Variants in TENM2 observed in about 807,000 individuals in gnomAD.
The protein encoded by TENM2 is teneurin transmembrane protein 2.
In TENM2, 52 loss-of-function variants were observed where a neutral mutation model predicts 245.2. That is an observed-to-expected ratio of 0.21 (90% CI 0.17 to 0.27). The LOEUF (loss-of-function observed/expected upper bound fraction) is 0.27. Ranked by LOEUF, TENM2 falls within the 10% of genes least tolerant of loss-of-function variation. The pLI, the probability that TENM2 is intolerant of heterozygous loss-of-function variation, is 1.00. For missense variants in TENM2, 3,046 were observed against 3,666.8 expected (o/e 0.83, Z 4.37); for synonymous variants, 1,363 against 1,438.9 (o/e 0.95, Z 1.19).
At chr5:167,801,095 GAAAAAAAAA>G (rs1176405769) in intron 2 of TENM2, among the ~76,000 whole-genome samples, 181 of 50,684 alleles carry the variant, frequency 3.6e-3, no homozygotes, top group African/African-American at 0.012. Context: ...TATTTGAAAA[GAAAAAAAAA>G]AAAAAATATA....
the TENM2 span, among the ~76,000 whole-genome samples, chr5:167,010,295 A>G: frequency 6.6e-6 from 1 of 152,174 alleles, no homozygotes; most frequent in Non-Finnish European, 1.5e-5. Context: ...AGGCAGGAGA[A>G]TTGCTTGAAC....
chr5:168,220,154 G>A (rs140739373), intron 23 of TENM2, among the ~76,000 whole-genome samples: 39 of 152,252 alleles, frequency 2.6e-4, no homozygotes, highest in African/African-American at 7.5e-4. Context: ...GGTACCATCC[G>A]AGTGCTGTCC....
At chr5:167,353,519 T>TC (rs1554138268) in intron 1 of TENM2, among the ~76,000 whole-genome samples, 1 of 132,270 alleles carries the variant, frequency 7.6e-6, no homozygotes, top group Non-Finnish European at 1.6e-5. Context: ...TTTTTTTTTT[T>TC]TTTTTTGAGA....
chr5:167,120,102 G>A, the TENM2 span, among the ~76,000 whole-genome samples: 1 of 152,184 alleles, frequency 6.6e-6, no homozygotes, highest in African/African-American at 2.4e-5. Flanking sequence ...GGCTAGGCAG[G>A]ATGGTGAAGA....
intron 7 of TENM2, among the ~76,000 whole-genome samples, chr5:168,075,501 C>T (rs1394963945): frequency 6.6e-6 from 1 of 152,130 alleles, no homozygotes; most frequent in Non-Finnish European, 1.5e-5. Context: ...ACAATGCCAC[C>T]ACCCAACAGA....
At chr5:168,226,342 T>C in intron 24 of TENM2, 79 bp downstream of exon 26, 5 of 1,407,910 alleles carry the variant, frequency 3.6e-6, no homozygotes, top group Non-Finnish European at 4.9e-6. Flanking sequence ...ATGTGAGTTA[T>C]GCAGCCTGGG....
In TENM2 at chr5:167,605,386, G is replaced by A. The variant is rs372492059; in HGVS notation, c.502+229913G>A. 1.7e-3 allele frequency among the ~76,000 whole-genome samples: 257 copies of A among 152,148 alleles called. 12 individuals carry two copies. The South Asian group carries it at 0.051, about 30-fold the overall frequency. On this transcript the variant is annotated intron_variant, in intron 2 of 28. Coordinates refer to ENST00000518659, the Ensembl canonical transcript of TENM2. ...GGATATGAACCAGGAATAAACATTC[G>A]ATGTTGAGCACGCTATGACCTTCAG...
At chr5:167,274,569 TTTTC>T in the TENM2 span, among the ~76,000 whole-genome samples, 1,133 of 151,010 alleles carry the variant, frequency 7.5e-3, 15 homozygotes, top group African/African-American at 0.026. Flanking sequence ...TTAATTTTTC[TTTTC>T]TTTCTTTCTT....
the TENM2 span, among the ~76,000 whole-genome samples, chr5:167,161,581 A>T: frequency 2.8e-4 from 43 of 152,364 alleles, no homozygotes; most frequent in African/African-American, 1.0e-3. Context: ...AAATAAAGTT[A>T]AATTGTTAAT....
In TENM2 at chr5:168,044,628, T is replaced by A. The variant is rs1043273484; in HGVS notation, c.1187-2799T>A. Reference sequence around the variant, plus strand: ...AGTGCCATTTATATTCAAGACACTGTCAGATCTTTTGGGGGTTGCAGATGT... The same window carrying A: ...AGTGCCATTTATATTCAAGACACTGACAGATCTTTTGGGGGTTGCAGATGT... On this transcript the variant is annotated intron_variant, in intron 5 of 28. Coordinates refer to ENST00000518659, the Ensembl canonical transcript of TENM2. Among the ~76,000 whole-genome samples, 3 of 152,054 alleles carry A rather than the reference T, an allele frequency of 2.0e-5. No individual in the cohort carries two copies. The South Asian group carries it at 6.3e-4, about 32-fold the overall frequency.
At chr5:167,192,369 AG>A in the TENM2 span, among the ~76,000 whole-genome samples, 1 of 152,108 alleles carries the variant, frequency 6.6e-6, no homozygotes, top group Non-Finnish European at 1.5e-5. Context: ...ACAGCTAACT[AG>A]AGGCAAAGCA....
intron 3 of TENM2, among the ~76,000 whole-genome samples, chr5:167,925,566 AGCAGAAT>A (rs1777689303): frequency 6.6e-6 from 1 of 152,234 alleles, no homozygotes; most frequent in African/African-American, 2.4e-5. Context: ...AAGAGTTAAA[AGCAGAAT>A]TACCATTCAA....
At chr5:167,266,834 G>A in the TENM2 span, among the ~76,000 whole-genome samples, 4 of 152,086 alleles carry the variant, frequency 2.6e-5, no homozygotes, top group South Asian at 2.1e-4. Context: ...TAAAAGTCAC[G>A]CCGGTTCATG....
chr5:167,770,740 A>G (rs1763348579), intron 2 of TENM2, among the ~76,000 whole-genome samples: 1 of 152,150 alleles, frequency 6.6e-6, no homozygotes, highest in African/African-American at 2.4e-5. Context: ...TTTTCATTAA[A>G]AAGAAATCTA....
intron 2 of TENM2, among the ~76,000 whole-genome samples, chr5:167,674,931 A>G (rs1467762059): frequency 1.3e-5 from 2 of 152,138 alleles, no homozygotes; most frequent in Non-Finnish European, 2.9e-5. Context: ...CTAGCCCCAG[A>G]CAACTCCAAA....
the TENM2 span, among the ~76,000 whole-genome samples, chr5:167,090,239 CT>C: frequency 1.3e-4 from 18 of 136,174 alleles, no homozygotes; most frequent in African/African-American, 5.7e-4. Context: ...CAACAGAATT[CT>C]TAAAAAAAAA....
At chr5:167,600,973 A>G (rs572136972) in intron 2 of TENM2, among the ~76,000 whole-genome samples, 70 of 152,158 alleles carry the variant, frequency 4.6e-4, no homozygotes, top group Non-Finnish European at 9.6e-4. Context: ...TCATGGCATA[A>G]TTTATTCACT....
At chr5:168,044,970 G>A (rs946009896) in intron 5 of TENM2, among the ~76,000 whole-genome samples, 1 of 148,642 alleles carries the variant, frequency 6.7e-6, no homozygotes, top group Non-Finnish European at 1.5e-5. Flanking sequence ...TATTTCAGAC[G>A]CTCCCAAAAA....
At chr5:168,219,720 T>C (rs529366322) in intron 23 of TENM2, among the ~76,000 whole-genome samples, 3 of 149,516 alleles carry the variant, frequency 2.0e-5, no homozygotes, top group East Asian at 2.0e-4. Context: ...TCCTAGGTGA[T>C]GAAGGAGTGT....
Sources: allele counts gnomAD v4.1 joint callset (sites outside exome capture counted in the v4.1 genomes callset), GRCh38; gene constraint gnomAD v4.1.1; transcripts MANE v1.5; gene names NCBI Gene and HGNC (gene_info 2026-07-23, HGNC 2026-07-21).